Variants in NEBL observed in about 807,000 individuals in gnomAD.
NEBL encodes nebulette.
Under a neutral mutation model 140.2 loss-of-function variants are expected in NEBL, and 122 were observed. That is an observed-to-expected ratio of 0.87 (90% confidence interval 0.75 to 1.01). The LOEUF is 1.01. Ranked by LOEUF, NEBL falls within the 50% of genes least tolerant of loss-of-function variation. NEBL has a pLI of 0.00. For synonymous variants in NEBL, 436 were observed against 398.9 expected (o/e 1.09, Z -1.11); for missense variants, 1,365 against 1,231.3 (o/e 1.11, Z -1.62).
At chr10:20,821,186 G>A (rs1839278576) in intron 19 of NEBL, among the ~76,000 whole-genome samples, 1 of 152,182 alleles carries the variant, frequency 6.6e-6, no homozygotes, top group Non-Finnish European at 1.5e-5. Context: ...AATTTCTAGT[G>A]GATGTAAGTT....
intron 3 of NEBL, among the ~76,000 whole-genome samples, chr10:21,215,299 AG>A (rs1841974817): frequency 6.6e-6 from 1 of 152,146 alleles, no homozygotes; most frequent in South Asian, 2.1e-4. Context: ...ACAGGGCAAG[AG>A]CCTATCTCTT....
chr10:20,897,548 G>T, upstream of NEBL: 1 of 1,063,502 alleles, frequency 9.4e-7, no homozygotes, highest in Non-Finnish European at 1.1e-6. Context: ...ATTCATAAAA[G>T]AGCATAAAAA....
At chr10:20,960,645 A>G (rs905768989) in intron 4 of NEBL, among the ~76,000 whole-genome samples, 1 of 152,068 alleles carries the variant, frequency 6.6e-6, no homozygotes, top group Non-Finnish European at 1.5e-5. Flanking sequence ...ATATGTGTGT[A>G]TATGTGTGTA....
intron 1 of NEBL, among the ~76,000 whole-genome samples, chr10:21,263,121 T>C (rs1842760317): frequency 6.6e-6 from 1 of 152,226 alleles, no homozygotes; most frequent in Non-Finnish European, 1.5e-5. Flanking sequence ...GCAACAGCGA[T>C]TGAACACATA....
At chr10:21,221,042 G>A (rs1842059267) in intron 3 of NEBL, among the ~76,000 whole-genome samples, 1 of 152,088 alleles carries the variant, frequency 6.6e-6, no homozygotes, top group Non-Finnish European at 1.5e-5. Context: ...TGGAGTCCCA[G>A]TAGTCAGGAG....
At chr10:21,233,934 T>TGGATATATATTAC (rs1448086381) in intron 3 of NEBL, among the ~76,000 whole-genome samples, 12 of 145,828 alleles carry the variant, frequency 8.2e-5, no homozygotes, top group South Asian at 2.2e-4. Flanking sequence ...ATTACATATA[T>TGGATATATATTAC]ATATATATGC....
At chr10:20,986,380 A>G (rs1384921683) in intron 3 of NEBL, among the ~76,000 whole-genome samples, 1 of 152,194 alleles carries the variant, frequency 6.6e-6, no homozygotes, top group African/African-American at 2.4e-5. Flanking sequence ...TAAGCCAAAA[A>G]TAATTCAGCA....
chr10:21,055,095 G>A (rs972526836), intron 2 of NEBL, among the ~76,000 whole-genome samples: 2 of 152,186 alleles, frequency 1.3e-5, no homozygotes, highest in African/African-American at 4.8e-5. Context: ...ATCTGGGGGA[G>A]TTGTTGATAC....
At chr10:20,918,811 A>G (rs1022231156) in intron 4 of NEBL, among the ~76,000 whole-genome samples, 9 of 152,174 alleles carry the variant, frequency 5.9e-5, no homozygotes, top group Non-Finnish European at 1.2e-4. Context: ...AGATTGCACC[A>G]CTGCACTCCA....
intron 4 of NEBL, among the ~76,000 whole-genome samples, chr10:20,914,646 G>A (rs896134338): frequency 6.6e-6 from 1 of 152,032 alleles, no homozygotes; most frequent in Admixed American, 6.6e-5. Context: ...TTCCAGGTTT[G>A]TTAACATAAT....
intron 4 of NEBL, among the ~76,000 whole-genome samples, chr10:20,943,061 C>A (rs1025097129): frequency 1.2e-4 from 18 of 152,132 alleles, no homozygotes; most frequent in Admixed American, 2.6e-4. Context: ...ACTAGAAATA[C>A]CATTTGACCC....
chr10:21,122,094 C>T (rs1313190003), intron 2 of NEBL, among the ~76,000 whole-genome samples: 4 of 151,916 alleles, frequency 2.6e-5, no homozygotes, highest in African/African-American at 7.3e-5. Context: ...GGCACGATCT[C>T]GGCTCACTGA....
In NEBL at chr10:21,156,159, G is replaced by C. The variant is rs11818498; in HGVS notation, c.164+16224C>G. Among the ~76,000 whole-genome samples the C allele has an allele frequency of 8.4e-3, 1,279 of 152,316 alleles. 25 individuals are homozygous for C. The highest frequency in any genetic ancestry group is 0.029 in the African/African-American group (1,222 of 41,554). ...AAAAAACTGCTGGCATTCATTTATT[G>C]GGGGACAGGAGGAATTCTATTCATG... On this transcript the variant is annotated intron_variant, in intron 2 of 6. Coordinates refer to the NEBL transcript ENST00000417816.
At chr10:21,147,940 C>T (rs544373663) in intron 2 of NEBL, among the ~76,000 whole-genome samples, 1 of 152,308 alleles carries the variant, frequency 6.6e-6, no homozygotes, top group Non-Finnish European at 1.5e-5. Context: ...CAAGCATTGT[C>T]TTTAGGCAGT....
At chr10:21,119,292 G>T (rs1477638446) in intron 2 of NEBL, among the ~76,000 whole-genome samples, 10 of 151,840 alleles carry the variant, frequency 6.6e-5, no homozygotes, top group Admixed American at 6.6e-4. Context: ...CAAACCTGCA[G>T]AACAGCTTCA....
intron 3 of NEBL, among the ~76,000 whole-genome samples, chr10:21,203,839 AG>A (rs1460789371): frequency 1.3e-5 from 2 of 152,132 alleles, no homozygotes; most frequent in Non-Finnish European, 2.9e-5. Flanking sequence ...TTGCTTTTCC[AG>A]GCCCCCTTGC....
At chr10:20,808,773 A>T in intron 25 of NEBL, 114 bp from the exon 26 acceptor site, 1 of 1,193,222 alleles carries the variant, frequency 8.4e-7, no homozygotes, top group Non-Finnish European at 1.2e-6. Context: ...AGTAAAGAAT[A>T]ACTCAAAATC....
At chr10:21,167,954 C>A (rs1840858067) in intron 2 of NEBL, among the ~76,000 whole-genome samples, 1 of 151,968 alleles carries the variant, frequency 6.6e-6, no homozygotes, top group Admixed American at 6.6e-5. Context: ...CTCAAGTACA[C>A]CAGTTTGTTT....
intron 1 of NEBL, among the ~76,000 whole-genome samples, chr10:21,287,110 C>T (rs946999950): frequency 2.0e-5 from 3 of 152,080 alleles, no homozygotes; most frequent in Non-Finnish European, 4.4e-5. Flanking sequence ...CAGAAGCAAC[C>T]GTTAACAGAG....
Sources: gnomAD v4.1 joint callset for allele counts (sites outside exome capture counted in the v4.1 genomes callset) on GRCh38, gnomAD v4.1.1 for gene constraint, MANE v1.5 for transcripts, NCBI Gene and HGNC (gene_info 2026-07-23, HGNC 2026-07-21) for gene names.